Variants in DLG2 observed in about 807,000 individuals in gnomAD.
The protein encoded by DLG2 is discs large MAGUK scaffold protein 2.
A neutral mutation model predicts 132.5 loss-of-function variants in DLG2; 45 were observed. The observed-to-expected ratio is 0.34, with a 90% confidence interval of 0.27 to 0.44. The LOEUF is 0.44. DLG2 is among the 20% of genes least tolerant of loss of function. DLG2 has a pLI of 1.00. For missense variants in DLG2, 1,045 were observed against 1,196.9 expected (o/e 0.87, Z 1.87); for synonymous variants, 424 against 419.6 (o/e 1.01, Z -0.13).
chr11:84,550,392 C>A (rs1033908056), intron 6 of DLG2, among the ~76,000 whole-genome samples: 1 of 152,086 alleles, frequency 6.6e-6, no homozygotes, highest in Non-Finnish European at 1.5e-5. Context: ...GGTCAACACT[C>A]CTACTCTTGG....
chr11:84,420,911 G>A (rs1419179679), intron 7 of DLG2, among the ~76,000 whole-genome samples: 2 of 151,596 alleles, frequency 1.3e-5, no homozygotes, highest in Admixed American at 6.6e-5. Flanking sequence ...CTCGTGATCT[G>A]CCCGCCTCGG....
intron 8 of DLG2, among the ~76,000 whole-genome samples, chr11:84,240,102 A>G (rs777382825): frequency 5.3e-5 from 8 of 152,200 alleles, no homozygotes; most frequent in Non-Finnish European, 8.8e-5. Context: ...CTTTTCAGAC[A>G]TTGCTTTAAA....
chr11:83,478,184 T>C (rs1245808599), intron 22 of DLG2, among the ~76,000 whole-genome samples: 4 of 152,112 alleles, frequency 2.6e-5, no homozygotes, highest in African/African-American at 4.8e-5. Flanking sequence ...AATGAATAAA[T>C]AAACATTCCT....
At chr11:83,735,545 A>G (rs776579409) in intron 18 of DLG2, among the ~76,000 whole-genome samples, 50 of 152,320 alleles carry the variant, frequency 3.3e-4, no homozygotes, top group Admixed American at 5.9e-4. Flanking sequence ...TAATTTTGTT[A>G]ACTCTTGGTG....
chr11:84,227,913 C>CAAAAA (rs59917539), intron 8 of DLG2, among the ~76,000 whole-genome samples: 1 of 74,358 alleles, frequency 1.3e-5, no homozygotes, highest in Admixed American at 1.4e-4. Flanking sequence ...GACTCCATCT[C>CAAAAA]AAAAAAAAAA....
chr11:84,690,897 G>C (rs11234131), intron 6 of DLG2, among the ~76,000 whole-genome samples: 19,359 of 151,788 alleles, frequency 0.13, 1,528 homozygotes, highest in African/African-American at 0.21. Context: ...ATAAGTGCCA[G>C]TGTAATTGTG....
intron 8 of DLG2, among the ~76,000 whole-genome samples, chr11:84,205,970 A>C (rs1322964966): frequency 6.6e-6 from 1 of 152,122 alleles, no homozygotes; most frequent in Non-Finnish European, 1.5e-5. Flanking sequence ...AGATGGCATC[A>C]ATTCCAATAT....
At chr11:85,082,494 T>A (rs1354935800) in intron 6 of DLG2, among the ~76,000 whole-genome samples, 1 of 152,036 alleles carries the variant, frequency 6.6e-6, no homozygotes, top group East Asian at 1.9e-4. Flanking sequence ...AATCTCCCCA[T>A]GACTGTTTAA....
chr11:85,294,697 G>A (rs2079112786), intron 3 of DLG2, among the ~76,000 whole-genome samples: 2 of 152,114 alleles, frequency 1.3e-5, no homozygotes, highest in South Asian at 2.1e-4. Flanking sequence ...GTACCAGGCA[G>A]TCTCATTAAA....
chr11:83,466,046 G>C (rs2090970304), intron 26 of DLG2, among the ~76,000 whole-genome samples: 1 of 150,244 alleles, frequency 6.7e-6, no homozygotes, highest in African/African-American at 2.4e-5. Flanking sequence ...CTTTGGAGGG[G>C]AAAAAAAAAG....
chr11:84,386,086 T>C (rs768777679), intron 7 of DLG2, among the ~76,000 whole-genome samples: 3 of 152,184 alleles, frequency 2.0e-5, no homozygotes, highest in Non-Finnish European at 2.9e-5. Flanking sequence ...ACTTTTAAAG[T>C]AATGCATGTG....
intron 12 of DLG2, among the ~76,000 whole-genome samples, chr11:83,973,794 T>C (rs1184516681): frequency 6.6e-6 from 1 of 152,096 alleles, no homozygotes; most frequent in Non-Finnish European, 1.5e-5. Context: ...ATTCATAGTG[T>C]TCAAGAGCTT....
At chr11:83,885,245 T>C (rs1203109552) in intron 15 of DLG2, among the ~76,000 whole-genome samples, 1 of 152,156 alleles carries the variant, frequency 6.6e-6, no homozygotes, top group Non-Finnish European at 1.5e-5. Flanking sequence ...TACAGAGAAG[T>C]GCTTAAAGGA....
At chr11:85,273,949 T>C (rs1196556246) in intron 4 of DLG2, among the ~76,000 whole-genome samples, 1 of 152,214 alleles carries the variant, frequency 6.6e-6, no homozygotes, top group Non-Finnish European at 1.5e-5. Context: ...GTTCATGTTC[T>C]TTGTAGGGAC....
chr11:83,955,329 T>G lies in DLG2; in HGVS notation c.1340+7556A>C, dbSNP rs923393405. On this transcript the variant is annotated intron_variant, in intron 14 of 27. Transcript: ENST00000376104. ...CCAGGACCCACACACCTAATCACTC[T>G]GTTATTCTACTGTAATTCTAAAGCC... Among the ~76,000 whole-genome samples the G allele has an allele frequency of 3.3e-5, 5 of 152,204 alleles. No homozygotes were observed. The East Asian group carries it at 9.6e-4, about 29-fold the overall frequency.
chr11:85,407,188 A>C (rs750437831), intron 3 of DLG2, among the ~76,000 whole-genome samples: 5 of 151,924 alleles, frequency 3.3e-5, no homozygotes, highest in Non-Finnish European at 7.4e-5. Context: ...TCAGGCCATT[A>C]TAAGAACTCT....
At chr11:84,481,872 T>C (rs913289788) in intron 7 of DLG2, among the ~76,000 whole-genome samples, 1 of 152,180 alleles carries the variant, frequency 6.6e-6, no homozygotes, top group Non-Finnish European at 1.5e-5. Flanking sequence ...CCAAATGCAT[T>C]GAATTGTTTT....
chr11:84,663,813 T>C (rs1275878647), intron 6 of DLG2, among the ~76,000 whole-genome samples: 2 of 152,194 alleles, frequency 1.3e-5, no homozygotes, highest in Non-Finnish European at 2.9e-5. Flanking sequence ...TTCTTAATCA[T>C]GGGCTGACAC....
intron 7 of DLG2, among the ~76,000 whole-genome samples, chr11:84,460,969 G>A (rs1468730443): frequency 1.3e-5 from 2 of 150,738 alleles, no homozygotes; most frequent in Non-Finnish European, 1.5e-5. Context: ...TTTTGCATAT[G>A]TGTAACATAC....
Sources: gnomAD v4.1 joint callset for allele counts (sites outside exome capture counted in the v4.1 genomes callset) on GRCh38, gnomAD v4.1.1 for gene constraint, MANE v1.5 for transcripts, NCBI Gene and HGNC (gene_info 2026-07-23, HGNC 2026-07-21) for gene names.